The following LCMT1 variants were observed in gnomAD, a reference collection of about 807,000 sequenced individuals.
The protein encoded by LCMT1 is leucine carboxyl methyltransferase 1.
LCMT1 carries 32 observed loss-of-function variants against 47.7 expected under a neutral mutation model. The observed-to-expected ratio is 0.67, with a 90% confidence interval of 0.51 to 0.90. The LOEUF (loss-of-function observed/expected upper bound fraction) is 0.90, where lower values mean the gene tolerates loss of function less well. Ranked by LOEUF, LCMT1 falls within the 40% of genes least tolerant of loss-of-function variation. The pLI is 0.00. For missense variants in LCMT1, 375 were observed against 415.2 expected, an observed-to-expected ratio of 0.90 and a Z score of 0.84; for synonymous variants, 152 against 149.7, an observed-to-expected ratio of 1.02 and a Z score of -0.11.
intron 4 of LCMT1, among the ~76,000 whole-genome samples, chr16:25,149,242 A>T (rs1290829411): frequency 1.3e-5 from 2 of 152,098 alleles, no homozygotes; most frequent in African/African-American, 4.8e-5. Flanking sequence ...TTCTTTTGTG[A>T]CTTATTTTTT....
intron 6 of LCMT1, among the ~76,000 whole-genome samples, chr16:25,162,549 A>G (rs1238310013): frequency 1.3e-5 from 2 of 151,226 alleles, no homozygotes; most frequent in Admixed American, 6.6e-5. Context: ...AGATCATGAC[A>G]TCGAACTGTA....
At chr16:25,136,730 G>A (rs1960516448) in intron 3 of LCMT1, among the ~76,000 whole-genome samples, 1 of 151,806 alleles carries the variant, frequency 6.6e-6, no homozygotes, top group East Asian at 1.9e-4. Flanking sequence ...GTAGAGATGG[G>A]GTTTTACCAT....
At chr16:25,144,328 A>G (rs1182705077) in intron 4 of LCMT1, 2 of 152,044 alleles carry the variant, frequency 1.3e-5, no homozygotes, top group Non-Finnish European at 2.9e-5. Context: ...TTTTTGTGCC[A>G]TTTTGGGGAG....
intron 1 of LCMT1, among the ~76,000 whole-genome samples, chr16:25,126,590 C>G (rs928517050): frequency 5.9e-5 from 9 of 152,320 alleles, no homozygotes; most frequent in Admixed American, 6.5e-5. Context: ...CACTGTACCC[C>G]CAGTGCCTAG....
chr16:25,150,407 C>T (rs1209738724), intron 4 of LCMT1, among the ~76,000 whole-genome samples: 5 of 134,294 alleles, frequency 3.7e-5, no homozygotes, highest in African/African-American at 1.1e-4. Context: ...TGCAATGGCA[C>T]GATCTCAGCT....
chr16:25,155,086 G>A (rs1251700810), intron 5 of LCMT1, among the ~76,000 whole-genome samples: 1 of 152,128 alleles, frequency 6.6e-6, no homozygotes, highest in Non-Finnish European at 1.5e-5. Flanking sequence ...TTCTTTATCA[G>A]TAAGAAAGAA....
At chr16:25,112,828 G>A (rs1490833974) in intron 1 of LCMT1, among the ~76,000 whole-genome samples, 1 of 152,088 alleles carries the variant, frequency 6.6e-6, no homozygotes, top group Non-Finnish European at 1.5e-5. Flanking sequence ...ATTAGAGTTT[G>A]TAATTTTGTC....
rs544912714 is a variant in LCMT1, at chr16:25,117,139, A to G, written c.113+5143A>G. Among the ~76,000 whole-genome samples the G allele has an allele frequency of 1.6e-3, 242 of 152,266 alleles. 2 individuals are homozygous for G. Among genetic ancestry groups the G allele is most frequent in the Non-Finnish European group, 2.4e-3 (165 of 68,028 alleles). On this transcript the variant is annotated intron_variant, in intron 1 of 10. Transcript: ENST00000399069. ...GATATGATCTTGGTTTGTGTTTTAG[A>G]AAAATTCCTAGCAGCTGTGTGGGAG...
chr16:25,122,537 C>T (rs901305691), intron 1 of LCMT1, among the ~76,000 whole-genome samples: 6 of 152,042 alleles, frequency 3.9e-5, no homozygotes, highest in African/African-American at 9.7e-5. Context: ...CTTTGTTGCC[C>T]AGGCTGGTCT....
intron 10 of LCMT1, among the ~76,000 whole-genome samples, chr16:25,175,758 G>T (rs1961912466): frequency 6.6e-6 from 1 of 152,160 alleles, no homozygotes; most frequent in African/African-American, 2.4e-5. Flanking sequence ...CAAAATGAAA[G>T]ATGTATTTGG....
intron 5 of LCMT1, among the ~76,000 whole-genome samples, chr16:25,153,718 C>T (rs1326817258): frequency 6.6e-6 from 1 of 151,834 alleles, no homozygotes; most frequent in African/African-American, 2.4e-5. Flanking sequence ...TTTGGGAGGC[C>T]GAGGCGGGTG....
chr16:25,125,597 G>A (rs1960144722), intron 1 of LCMT1, among the ~76,000 whole-genome samples: 1 of 152,044 alleles, frequency 6.6e-6, no homozygotes, highest in African/African-American at 2.4e-5. Flanking sequence ...CACTTTGGGA[G>A]GCTGAGGCGG....
chr16:25,175,643 TAAATA>T (rs1343034858), intron 10 of LCMT1, among the ~76,000 whole-genome samples: 1 of 151,638 alleles, frequency 6.6e-6, no homozygotes, highest in Non-Finnish European at 1.5e-5. Context: ...AAAAAATAAA[TAAATA>T]AAGAATTCCT....
intron 4 of LCMT1, chr16:25,145,166 T>C (rs1397331763): frequency 3.3e-5 from 5 of 152,198 alleles, no homozygotes; most frequent in Non-Finnish European, 5.9e-5. Context: ...GTGTTCGGGC[T>C]CCTGGGGTCA....
chr16:25,176,338 C>T (rs1597611425), intron 10 of LCMT1, among the ~76,000 whole-genome samples: 1 of 152,028 alleles, frequency 6.6e-6, no homozygotes, highest in Non-Finnish European at 1.5e-5. Flanking sequence ...ATGTAATCCA[C>T]ATGACATGTG....
intron 5 of LCMT1, among the ~76,000 whole-genome samples, chr16:25,155,393 A>G (rs560466442): frequency 2.6e-5 from 4 of 152,196 alleles, no homozygotes; most frequent in African/African-American, 7.2e-5. Flanking sequence ...AACATAAAAA[A>G]AAAACTAGCT....
Position 25,111,950 on chromosome 16 carries a change from G to C in LCMT1, c.67G>C (p.Asp23His). 1 of 1,613,644 alleles carries C rather than the reference G, an allele frequency of 6.2e-7. No homozygotes were observed. The highest frequency in any genetic ancestry group is 8.5e-7 in the Non-Finnish European group (1 of 1,179,768). The change falls in exon 1 of 11, where the codon GAC (aspartate) becomes CAC (histidine). Residue 23 changes from aspartate (D) to histidine (H), a missense_variant. Transcript: ENST00000399069. ...TTCCACCTCGAGCTGCGACGCAGAC[G>C]ACGAGGGCGTGCGCGGCACCTGCGA... ...CCSTSSCDAD[D>H]EGVRGTCEDA... is the part of the protein sequence containing the mutation.
At chr16:25,155,046 A>C (rs1488997538) in intron 5 of LCMT1, among the ~76,000 whole-genome samples, 2 of 152,226 alleles carry the variant, frequency 1.3e-5, no homozygotes, top group Non-Finnish European at 1.5e-5. Context: ...TCAAACCTAC[A>C]AGGCTGTTGA....
In LCMT1 at chr16:25,132,403, A is replaced by G; in HGVS notation, c.207A>G (p.Gly69=). Residue 69 remains glycine, a splice_region_variant and synonymous_variant, in exon 3 of 11, where the codon GGA becomes GGG. Coordinates refer to ENST00000399069, the MANE Select transcript of LCMT1 (RefSeq NM_016309.3). ...KERKAPEINR[G]YFARVHGVSQ... ...TTCTGTGCCTCCCCTCCCCCCTAGG[A>G]TATTTTGCTCGAGTCCATGGTGTCA... The G allele has an allele frequency of 6.2e-7, 1 of 1,613,438 alleles. No homozygotes were observed. Among genetic ancestry groups the G allele is most frequent in the Non-Finnish European group, 8.5e-7 (1 of 1,179,756 alleles).
Sources: allele counts gnomAD v4.1 joint callset (sites outside exome capture counted in the v4.1 genomes callset), GRCh38; gene constraint gnomAD v4.1.1; transcripts MANE v1.5; gene names NCBI Gene and HGNC (gene_info 2026-07-23, HGNC 2026-07-21).